Variants in NACC1 observed in about 807,000 individuals in gnomAD.
The protein encoded by NACC1 is nucleus accumbens-associated protein 1.
NACC1 carries 6 observed loss-of-function variants against 41.7 expected under a neutral mutation model. That is an observed-to-expected ratio of 0.14 (90% confidence interval 0.08 to 0.28). The LOEUF is 0.28. NACC1 is among the 10% of genes least tolerant of loss of function. The pLI, the probability that NACC1 is intolerant of heterozygous loss-of-function variation, is 1.00. For missense variants in NACC1, 434 were observed against 763.7 expected (o/e 0.57, Z 5.09); for synonymous variants, 338 against 330.6 (o/e 1.02, Z -0.24).
chr19:13,135,397 A>G lies in NACC1; in HGVS notation c.190A>G (p.Ser64Gly), dbSNP rs2019687412. The change falls in exon 2 of 6, where the codon AGC (serine) becomes GGC (glycine). Residue 64 changes from serine (S) to glycine (G), a missense_variant. Ser to Gly is a moderately conservative substitution (Grantham distance 56). This residue lies in a region of NACC1 where 67 missense variants were observed against 180.1 expected (regional missense o/e 0.37). Transcript: ENST00000292431. Reference protein sequence around the residue: ...YFRDLFNNSRSAVVELPAAVQ... With the variant: ...YFRDLFNNSRGAVVELPAAVQ... ...CCGGGACCTGTTCAACAACAGCCGC[A>G]GCGCCGTGGTGGAGCTGCCGGCGGC... The G allele has an allele frequency of 6.2e-7, 1 of 1,613,472 alleles. No individual in the cohort carries two copies. Among genetic ancestry groups the G allele is most frequent in the Non-Finnish European group, 8.5e-7 (1 of 1,179,938 alleles).
chr19:13,134,747 G>A (rs149806285), intron 1 of NACC1, among the ~76,000 whole-genome samples: 121 of 152,346 alleles, frequency 7.9e-4, no homozygotes, highest in African/African-American at 2.9e-3. Context: ...TGCAGACTCT[G>A]CTGCACAGTC....
chr19:13,124,694 T>C (rs916244261), intron 1 of NACC1, among the ~76,000 whole-genome samples: 5 of 152,210 alleles, frequency 3.3e-5, no homozygotes, highest in Admixed American at 2.0e-4. Context: ...TGTGGGGCTC[T>C]CTGGGGCCTT....
chr19:13,128,936 C>T (rs1475034087), intron 1 of NACC1, among the ~76,000 whole-genome samples: 2 of 152,230 alleles, frequency 1.3e-5, no homozygotes, highest in Non-Finnish European at 2.9e-5. Context: ...CCTTGTCCCC[C>T]ACACCCTCAG....
At position 13,136,110 on chromosome 19, in the gene NACC1, C is replaced by T; in HGVS notation, c.903C>T (p.Cys301=). Residue 301 remains cysteine (C), a synonymous_variant, in exon 2 of 6, where the codon TGC becomes TGT. Coordinates refer to ENST00000292431, the MANE Select transcript of NACC1 (RefSeq NM_052876.4). The surrounding 1 kb of genome is among the most constrained non-coding windows in gnomAD (Gnocchi z 5.5). The part of the protein sequence containing the change: ...EGMDEQYRQI[C]NMYTMYSMMN... ...TGGATGAGCAGTACCGGCAGATCTG[C>T]AACATGTACACCATGTACAGCATGA... 6.2e-7 allele frequency: 1 copy of T among 1,613,898 alleles called. No homozygotes were observed.
chr19:13,132,389 A>G (rs1384268746), intron 1 of NACC1: 1 of 150,476 alleles, frequency 6.6e-6, no homozygotes, highest in Non-Finnish European at 1.5e-5. Context: ...AGCCTGGGTA[A>G]CAGAGCAAGA....
At chr19:13,126,394 A>G (rs1311734241) in intron 1 of NACC1, among the ~76,000 whole-genome samples, 3 of 152,156 alleles carry the variant, frequency 2.0e-5, no homozygotes, top group African/African-American at 7.2e-5. Context: ...AGGCTTTAGC[A>G]TGTGAATTTT....
In NACC1 at chr19:13,138,006, C is replaced by G. The variant is rs540357570; in HGVS notation, c.1325-141C>G. 8.2e-7 allele frequency: 1 copy of G among 1,216,966 alleles called. No individual in the cohort carries two copies. The allele number at this position is 1,216,966 out of a possible 1,614,324, so 75.4% of individuals were successfully genotyped here. ...TCAGTCCGGTGTAGGGTTGGGTGCA[C>G]GTAGTGTGGTGTCCTGGCCGCGTGG... On this transcript the variant is annotated intron_variant, in intron 5 of 5. Transcript: ENST00000292431. This position sits in a 1 kb window ranked among gnomAD's most constrained non-coding sequence, Gnocchi z 5.7.
chr19:13,130,333 C>G (rs1205651682), intron 1 of NACC1, among the ~76,000 whole-genome samples: 1 of 152,120 alleles, frequency 6.6e-6, no homozygotes. Flanking sequence ...CTGCTTCTGC[C>G]TCTCAGAGTG....
chr19:13,132,390 CAG>C (rs1167162443), intron 1 of NACC1: 1 of 124,098 alleles, frequency 8.1e-6, no homozygotes. Flanking sequence ...GCCTGGGTAA[CAG>C]AGCAAGACTC....
rs369786785 is a variant in NACC1 at position 13,132,126 on chromosome 19, G to T, written c.-8-3074G>T. ...TCCACCTGACTCGGCCTCCCAAAGTGCTGGGATTGGCCAGGTGTGGTGGCT... is the reference window on the plus strand; with the variant it reads ...TCCACCTGACTCGGCCTCCCAAAGTTCTGGGATTGGCCAGGTGTGGTGGCT... On this transcript the variant is annotated intron_variant, in intron 1 of 5. Transcript: ENST00000292431. 4.0e-4 allele frequency among the ~76,000 whole-genome samples: 61 copies of T among 150,764 alleles called. 1 individual carries two copies. In the East Asian group the frequency reaches 9.3e-3, roughly 23 times the overall value.
chr19:13,136,675 C>G lies in NACC1; in HGVS notation c.1120+270C>G, dbSNP rs1408677284. On this transcript the variant is annotated intron_variant, in intron 3 of 5. Coordinates refer to ENST00000292431, the MANE Select transcript of NACC1 (RefSeq NM_052876.4). This position sits in a 1 kb window ranked among gnomAD's most constrained non-coding sequence, Gnocchi z 5.5. The stretch of plus-strand genomic sequence containing the variant: ...ATGGGTAGATTAGCTACTTCCCGGG[C>G]TCCTGTGAAGGCCAGCTACTACCTA... Among the ~76,000 whole-genome samples, 1 of 152,186 alleles carries G rather than the reference C, an allele frequency of 6.6e-6. No homozygotes were observed. The highest frequency in any genetic ancestry group is 1.5e-5 in the Non-Finnish European group (1 of 68,036).
rs117381666 is a variant in NACC1 at position 13,119,571 on chromosome 19, C to T, written c.-9+1117C>T. On this transcript the variant is annotated intron_variant, in intron 1 of 5. Transcript: ENST00000292431. ...AAGCCTAGTGGATGGGACCTCACAGCAACCATCGTATATATTAGTACCATG... is the reference window on the plus strand; with the variant it reads ...AAGCCTAGTGGATGGGACCTCACAGTAACCATCGTATATATTAGTACCATG... Among the ~76,000 whole-genome samples the T allele has an allele frequency of 1.3e-3, 195 of 152,266 alleles. 5 individuals are homozygous for T. In the East Asian group the frequency reaches 0.034, roughly 27 times the overall value.
rs904603038 is a variant in NACC1 at position 13,137,083 on chromosome 19, G to A, written c.1121-188G>A. Among the ~76,000 whole-genome samples, 14 of 152,228 alleles carry A rather than the reference G, an allele frequency of 9.2e-5. No homozygotes were observed. The highest frequency in any genetic ancestry group is 2.7e-4 in the African/African-American group (11 of 41,468). On this transcript the variant is annotated intron_variant, in intron 3 of 5. Transcript: ENST00000292431. This position sits in a 1 kb window ranked among gnomAD's most constrained non-coding sequence, Gnocchi z 6.1. ...CCTGAGCACTGATGAGGTTGGGGGA[G>A]CCCCAAGGAGCCTCCCCTGACTGCC...
At chr19:13,126,264 C>T (rs2019560478) in intron 1 of NACC1, among the ~76,000 whole-genome samples, 1 of 151,722 alleles carries the variant, frequency 6.6e-6, no homozygotes, top group South Asian at 2.1e-4. Flanking sequence ...AGGATGGTCT[C>T]TATCTCCTGA....
At chr19:13,119,895 C>T (rs750943837) in intron 1 of NACC1, among the ~76,000 whole-genome samples, 1 of 152,178 alleles carries the variant, frequency 6.6e-6, no homozygotes, top group Admixed American at 6.5e-5. Context: ...GGGGTCCAGA[C>T]GAGGAAGCTG....
In NACC1 at chr19:13,136,124, T is replaced by G; in HGVS notation, c.917T>G (p.Met306Arg). ...CGGCAGATCTGCAACATGTACACCA[T>G]GTACAGCATGATGAACGTCGGCCAG... Reference protein sequence around the residue: ...QYRQICNMYTMYSMMNVGQTA... With the variant: ...QYRQICNMYTRYSMMNVGQTA... The change falls in exon 2 of 6, where the codon ATG becomes AGG. Residue 306 changes from methionine to arginine, a missense_variant. Around this residue, in one of 4 missense-constraint regions of NACC1, gnomAD observed 234 missense variants for 308.3 expected, o/e 0.76. Coordinates refer to ENST00000292431, the MANE Select transcript of NACC1 (RefSeq NM_052876.4). The surrounding 1 kb of genome is among the most constrained non-coding windows in gnomAD (Gnocchi z 5.5). 1 of 1,613,514 alleles carries G rather than the reference T, an allele frequency of 6.2e-7. No individual in the cohort carries two copies. Among genetic ancestry groups the G allele is most frequent in the South Asian group, 1.1e-5 (1 of 91,076 alleles).
At chr19:13,125,983 C>T (rs892321057) in intron 1 of NACC1, among the ~76,000 whole-genome samples, 5 of 149,982 alleles carry the variant, frequency 3.3e-5, no homozygotes, top group African/African-American at 1.2e-4. Context: ...GTGATCCGCC[C>T]ACCTCGGCCT....
rs569430175 is a variant in NACC1 at position 13,135,507 on chromosome 19, C to G, written c.300C>G (p.Leu100=). Residue 100 remains leucine, a synonymous_variant, in exon 2 of 6, where the codon CTC becomes CTG. Coordinates refer to ENST00000292431, the MANE Select transcript of NACC1 (RefSeq NM_052876.4). ...TGAACGTGGGCGACCAGTTCCTGCT[C>G]ATGTACACGGCTGGCTTCCTGCAGA... ...LSMNVGDQFL[L]MYTAGFLQIQ... is the part of the protein sequence containing the mutation. 1 of 1,613,632 alleles carries G rather than the reference C, an allele frequency of 6.2e-7. No homozygotes were observed. Among genetic ancestry groups the G allele is most frequent in the South Asian group, 1.1e-5 (1 of 91,036 alleles).
At chr19:13,124,729 C>G (rs1198399839) in intron 1 of NACC1, among the ~76,000 whole-genome samples, 13 of 152,166 alleles carry the variant, frequency 8.5e-5, no homozygotes. Context: ...CTTGGAGTTG[C>G]TGGTCTCCCT....
Sources: allele counts gnomAD v4.1 joint callset (sites outside exome capture counted in the v4.1 genomes callset), GRCh38; gene constraint gnomAD v4.1.1; regional missense constraint gnomAD v4.1.1; non-coding constraint Gnocchi (gnomAD v3.1); transcripts MANE v1.5; gene names NCBI Gene and HGNC (gene_info 2026-07-23, HGNC 2026-07-21).